CAPN10: variants seen among roughly 807,000 people sequenced by gnomAD.
CAPN10 encodes the protein calpain 10.
Under a neutral mutation model 78.4 loss-of-function variants are expected in CAPN10, and 71 were observed. The ratio of observed to expected loss-of-function variants is 0.91; its 90% CI spans 0.75 to 1.10. The LOEUF is 1.10. CAPN10 is among the 50% of genes least tolerant of loss of function. The pLI is 0.00. For synonymous variants in CAPN10, 437 were observed against 407.2 expected, an observed-to-expected ratio of 1.07 and a Z score of -0.88; for missense variants, 849 against 924.6, an observed-to-expected ratio of 0.92 and a Z score of 1.06.
At chr2:240,592,348 T>C in intron 4 of CAPN10, 198 bp downstream of exon 4, 1 of 671,678 alleles carries the variant, frequency 1.5e-6, no homozygotes, top group East Asian at 2.7e-5. Context: ...GACGTGGCCC[T>C]TCTCTCCCCT....
Position 240,594,015 on chromosome 2 carries a change from C to T in CAPN10, c.798C>T (p.Gly266=). Residue 266 remains glycine (G), a synonymous_variant, in exon 5 of 12, where the codon GGC becomes GGT. Coordinates refer to ENST00000391984, the MANE Select transcript of CAPN10 (RefSeq NM_023083.4). ...TGCTGCGGATCCAGAACCCCTGGGG[C>T]CGGCGGTGCTGGCAGGGGCTCTGGA... ...ILLLRIQNPW[G]RRCWQGLWRE... 1.2e-6 allele frequency: 2 copies of T among 1,609,606 alleles called. No homozygotes were observed. The highest frequency in any genetic ancestry group is 1.7e-6 in the Non-Finnish European group (2 of 1,177,404).
At chr2:240,596,558 G>T in intron 8 of CAPN10, 37 bp downstream of exon 8, 1 of 1,561,662 alleles carries the variant, frequency 6.4e-7, no homozygotes, top group Non-Finnish European at 8.7e-7. Context: ...GCTCTCCGAG[G>T]CCACAGGCCC....
intron 8 of CAPN10, 40 bp downstream of exon 8, chr2:240,596,561 A>G (rs2093138232): frequency 6.4e-7 from 1 of 1,560,586 alleles, no homozygotes; most frequent in Non-Finnish European, 8.7e-7. Flanking sequence ...CTCCGAGGCC[A>G]CAGGCCCTTC....
At position 240,596,855 on chromosome 2, in the gene CAPN10, T is replaced by C. The variant is rs2093140312; in HGVS notation, c.1656T>C (p.Pro552=). Residue 552 remains proline (P), a synonymous_variant, in exon 9 of 12, where the codon CCT becomes CCC. Transcript: ENST00000391984. ...PCFPFSVPEG[P]GPRCVRITLH... ...TCCCCTTCTCGGTCCCCGAGGGCCC[T>C]GGCCCCCGCTGCGTCCGCATCACTC... The C allele has an allele frequency of 6.2e-7, 1 of 1,613,478 alleles. No individual in the cohort carries two copies. Among genetic ancestry groups the C allele is most frequent in the Non-Finnish European group, 8.5e-7 (1 of 1,179,972 alleles).
chr2:240,594,188 C>T (rs1290789484), intron 5 of CAPN10, 141 bp downstream of exon 5: 2 of 921,772 alleles, frequency 2.2e-6, no homozygotes, highest in East Asian at 2.7e-5. Context: ...CTCGTGACAC[C>T]ATGCTTGTCT....
At chr2:240,591,688 C>T (rs998402371) in intron 3 of CAPN10, 5 of 563,562 alleles carry the variant, frequency 8.9e-6, no homozygotes, top group Middle Eastern at 4.6e-4. Context: ...GTGCCCACAC[C>T]GGATGCCAGA....
chr2:240,587,001 G>T lies in CAPN10; in HGVS notation c.90G>T (p.Leu30Phe), dbSNP rs1434581638. 1 of 1,485,398 alleles carries T rather than the reference G, an allele frequency of 6.7e-7. No individual in the cohort carries two copies. Among genetic ancestry groups the T allele is most frequent in the Non-Finnish European group, 9.0e-7 (1 of 1,116,778 alleles). 92.0% of individuals were successfully genotyped at this position (1,485,398 alleles called of 1,614,324 possible). The change falls in exon 1 of 12, where the codon TTG (leucine) becomes TTT (phenylalanine). Residue 30 changes from leucine to phenylalanine, a missense_variant. Coordinates refer to ENST00000391984, the MANE Select transcript of CAPN10 (RefSeq NM_023083.4). Reference protein sequence around the residue: ...PAADSSLFCDLSTPLAQFRED... With the variant: ...PAADSSLFCDFSTPLAQFRED... ...CGGACTCCTCGCTCTTCTGCGACTT[G>T]TCTACGCCGCTGGCCCAGTTCCGCG...
At chr2:240,591,146 C>G (rs2125459192) in intron 3 of CAPN10, 135 bp downstream of exon 3, 1 of 760,070 alleles carries the variant, frequency 1.3e-6, no homozygotes, top group East Asian at 2.7e-5. Context: ...GCAGCTCATT[C>G]TGTGAGTCAG....
Position 240,594,643 on chromosome 2 carries a change from G to C in CAPN10, c.931G>C (p.Glu311Gln), listed in dbSNP as rs545243469. Reference protein sequence around the residue: ...FWVEEEEFLREFDELTVGYPV... With the variant: ...FWVEEEEFLRQFDELTVGYPV... Reference sequence around the variant, plus strand: ...GGTGGAGGAGGAGGAGTTCCTCAGGGAGTTTGACGAGCTCACCGTTGGCTA... The same window carrying C: ...GGTGGAGGAGGAGGAGTTCCTCAGGCAGTTTGACGAGCTCACCGTTGGCTA... Residue 311 changes from glutamate (E) to glutamine (Q), a missense_variant, in exon 6 of 12, where the codon GAG becomes CAG. Transcript: ENST00000391984. 1.2e-6 allele frequency: 2 copies of C among 1,613,950 alleles called. No individual in the cohort carries two copies. Among genetic ancestry groups the C allele is most frequent in the East Asian group, 4.5e-5 (2 of 44,882 alleles).
intron 4 of CAPN10, chr2:240,592,398 C>T: frequency 1.4e-6 from 1 of 696,042 alleles, no homozygotes; most frequent in South Asian, 1.5e-5. Context: ...GAAGAGGTGG[C>T]ACCGAGTCAA....
At chr2:240,590,766 G>C (rs1049817449) in intron 2 of CAPN10, 49 bp from the exon 3 acceptor site, 10 of 1,572,552 alleles carry the variant, frequency 6.4e-6, no homozygotes, top group Non-Finnish European at 8.7e-6. Context: ...AGTAGCGCCG[G>C]GTGGTGCTTA....
intron 4 of CAPN10, 92 bp downstream of exon 4, chr2:240,592,242 A>G: frequency 9.1e-7 from 1 of 1,100,638 alleles, no homozygotes; most frequent in African/African-American, 1.5e-5. Context: ...GTGACTGGCT[A>G]CACAGCCCTG....
intron 2 of CAPN10, 176 bp downstream of exon 2, chr2:240,589,650 T>A: frequency 1.2e-6 from 1 of 813,946 alleles, no homozygotes; most frequent in Non-Finnish European, 1.9e-6. Flanking sequence ...ACTCTGTCCC[T>A]CTGCTGCAGG....
Position 240,598,941 on chromosome 2 carries a change from A to G in CAPN10, c.*261A>G. On this transcript the variant is annotated 3_prime_UTR_variant, in exon 12 of 12. Coordinates refer to ENST00000391984, the MANE Select transcript of CAPN10 (RefSeq NM_023083.4). ...GCGCCACTGAGACGGCAGAGACCCC[A>G]GGATCCCAGAGCTTCCCAGGATCCC... 1 of 561,322 alleles carries G rather than the reference A, an allele frequency of 1.8e-6. No homozygotes were observed. The highest frequency in any genetic ancestry group is 3.2e-6 in the Non-Finnish European group (1 of 312,214). The allele number at this position is 561,322 out of a possible 1,614,324, so 34.8% of individuals were successfully genotyped here. A position where few individuals can be genotyped will look rare whatever the true frequency, so the allele number is the denominator to read the frequency against.
At chr2:240,592,477 A>G (rs1311315591) in intron 4 of CAPN10, 1 of 575,804 alleles carries the variant, frequency 1.7e-6, no homozygotes, top group African/African-American at 1.9e-5. Flanking sequence ...TTTTTATTTT[A>G]GTGATAGATA....
At position 240,596,864 on chromosome 2, in the gene CAPN10, C is replaced by T. The variant is rs2093140445; in HGVS notation, c.1665C>T (p.Arg555=). The change falls in exon 9 of 12, where the codon CGC becomes CGT. Residue 555 remains arginine (R), a synonymous_variant. Transcript: ENST00000391984. ...PFSVPEGPGP[R]CVRITLHQHC... ...CGGTCCCCGAGGGCCCTGGCCCCCG[C>T]TGCGTCCGCATCACTCTGCATCAGC... 1.9e-6 allele frequency: 3 copies of T among 1,613,478 alleles called. No individual in the cohort carries two copies. The highest frequency in any genetic ancestry group is 1.7e-5 in the Admixed American group (1 of 60,004).
rs2093155560 is a variant in CAPN10, at chr2:240,599,032, T to G, written c.*352T>G. ...CAGAGGGTAGGGCAGCAGATCTTCT[T>G]TATAACTATTTATTGTTCGAATCAC... On this transcript the variant is annotated 3_prime_UTR_variant, in exon 12 of 12. Transcript: ENST00000391984. The G allele has an allele frequency of 2.6e-6, 1 of 386,176 alleles. No homozygotes were observed. Among genetic ancestry groups the G allele is most frequent in the Non-Finnish European group, 4.7e-6 (1 of 212,684 alleles). The allele number at this position is 386,176 out of a possible 1,614,324, so 23.9% of individuals were successfully genotyped here. A position where few individuals can be genotyped will look rare whatever the true frequency, so the allele number is the denominator to read the frequency against.
intron 4 of CAPN10, chr2:240,592,504 G>A (rs1189323172): frequency 2.0e-6 from 1 of 507,508 alleles, no homozygotes; most frequent in African/African-American, 1.9e-5. Context: ...GTTAAAAACA[G>A]TTTGTCTCCA....
rs1461984703 is a variant in CAPN10 at position 240,598,017 on chromosome 2, G to T, written c.1873G>T (p.Val625Phe). The T allele has an allele frequency of 6.2e-7, 1 of 1,613,164 alleles. No individual in the cohort carries two copies. Among genetic ancestry groups the T allele is most frequent in the African/African-American group, 1.3e-5 (1 of 74,934 alleles). ...CCTCCTGCCTGCGGGCACCTACAAG[G>T]TTGTGCCCTCCACCTACCTGCCGGA... is the stretch of plus-strand genomic sequence containing the variant. Reference protein sequence around the residue: ...LCLLPAGTYKVVPSTYLPDTE... With the variant: ...LCLLPAGTYKFVPSTYLPDTE... Residue 625 changes from valine to phenylalanine, a missense_variant, in exon 10 of 12, where the codon GTT becomes TTT. Coordinates refer to ENST00000391984, the MANE Select transcript of CAPN10 (RefSeq NM_023083.4).
Sources: allele counts gnomAD v4.1 joint callset, GRCh38; gene constraint gnomAD v4.1.1; transcripts MANE v1.5; gene names NCBI Gene and HGNC (gene_info 2026-07-23, HGNC 2026-07-21).